Variants in PLCH1 observed in about 807,000 individuals in gnomAD.
The protein encoded by PLCH1 is 1-phosphatidylinositol 4,5-bisphosphate phosphodiesterase eta-1.
PLCH1 carries 60 observed loss-of-function variants against 126.7 expected under a neutral mutation model. The ratio of observed to expected loss-of-function variants is 0.47; its 90% CI spans 0.38 to 0.59. The LOEUF (loss-of-function observed/expected upper bound fraction) is 0.59, where lower values mean the gene tolerates loss of function less well. Ranked by LOEUF, PLCH1 falls within the 20% of genes least tolerant of loss-of-function variation. The pLI, the probability that PLCH1 is intolerant of heterozygous loss-of-function variation, is 0.00. For synonymous variants in PLCH1, 719 were observed against 734.9 expected, an observed-to-expected ratio of 0.98 and a Z score of 0.35; for missense variants, 1,723 against 2,040.0, an observed-to-expected ratio of 0.84 and a Z score of 2.99.
intron 21 of PLCH1, among the ~76,000 whole-genome samples, chr3:155,473,184 T>C (rs1459398108): frequency 2.7e-5 from 4 of 150,710 alleles, no homozygotes; most frequent in African/African-American, 4.9e-5. Context: ...AAAACCCCAT[T>C]GTCTCAGCCC....
intron 10 of PLCH1, among the ~76,000 whole-genome samples, chr3:155,529,499 C>A (rs1011105229): frequency 2.0e-5 from 3 of 151,862 alleles, no homozygotes; most frequent in Non-Finnish European, 4.4e-5. Context: ...GAGAGGCACA[C>A]GGATTTTTTG....
At chr3:155,570,602 C>T (rs1306538115) in intron 6 of PLCH1, among the ~76,000 whole-genome samples, 2 of 152,110 alleles carry the variant, frequency 1.3e-5, no homozygotes, top group African/African-American at 2.4e-5. Context: ...ATAATTCTTA[C>T]AATAGTCTTG....
Position 155,485,679 on chromosome 3 carries a change from A to C in PLCH1, c.2651T>G (p.Phe884Cys). 1 of 1,603,806 alleles carries C rather than the reference A, an allele frequency of 6.2e-7. No individual in the cohort carries two copies. Among genetic ancestry groups the C allele is most frequent in the Non-Finnish European group, 8.5e-7 (1 of 1,179,696 alleles). ...AGAACTGTGCCTAGGATTCTTATTGAACAGTCCCTTCAGACCCTGGAGTTG... is the reference window on the plus strand; with the variant it reads ...AGAACTGTGCCTAGGATTCTTATTGCACAGTCCCTTCAGACCCTGGAGTTG... ...NRQLQGLKGL[F>C]NKNPRHSSSE... Residue 884 changes from phenylalanine to cysteine, a missense_variant, in exon 22 of 23, where the codon TTC (phenylalanine) becomes TGC (cysteine). This residue lies in a region of PLCH1 where 947 missense variants were observed against 977.1 expected (regional missense o/e 0.97). Coordinates refer to ENST00000460012, the MANE Select transcript of PLCH1 (RefSeq NM_014996.4).
chr3:155,538,209 G>C (rs1452939449), intron 10 of PLCH1, among the ~76,000 whole-genome samples: 3 of 152,070 alleles, frequency 2.0e-5, no homozygotes, highest in African/African-American at 4.8e-5. Flanking sequence ...AACGATAATA[G>C]TGACACAACC....
intron 1 of PLCH1, among the ~76,000 whole-genome samples, chr3:155,733,159 T>C (rs531619392): frequency 6.6e-6 from 1 of 152,286 alleles, no homozygotes; most frequent in African/African-American, 2.4e-5. Context: ...ACATATTCAA[T>C]GTAATTCCTA....
intron 2 of PLCH1, among the ~76,000 whole-genome samples, chr3:155,610,390 C>CAAAAAAAA (rs1491267517): frequency 1.2e-5 from 1 of 81,720 alleles, no homozygotes; most frequent in African/African-American, 5.4e-5. Flanking sequence ...AAAAAAAAAA[C>CAAAAAAAA]CATCACCTAG....
At chr3:155,693,988 T>G (rs1190176009) in intron 2 of PLCH1, among the ~76,000 whole-genome samples, 1 of 152,146 alleles carries the variant, frequency 6.6e-6, no homozygotes, top group Non-Finnish European at 1.5e-5. Context: ...TTCCCAAGCA[T>G]AGATGATTCT....
At chr3:155,718,689 C>T (rs73005129) in intron 1 of PLCH1, among the ~76,000 whole-genome samples, 2,769 of 152,170 alleles carry the variant, frequency 0.018, 79 homozygotes, top group African/African-American at 0.06. Context: ...CCAGATCTTT[C>T]GAGATGTCAC....
At chr3:155,705,644 G>T (rs1746604324) in intron 1 of PLCH1, among the ~76,000 whole-genome samples, 1 of 152,082 alleles carries the variant, frequency 6.6e-6, no homozygotes, top group Non-Finnish European at 1.5e-5. Flanking sequence ...ATGTGCATTT[G>T]TTTATAGTTA....
intron 10 of PLCH1, among the ~76,000 whole-genome samples, chr3:155,524,335 G>T (rs1721620243): frequency 6.6e-6 from 1 of 152,186 alleles, no homozygotes; most frequent in Non-Finnish European, 1.5e-5. Flanking sequence ...TGCTGAATGG[G>T]TATAGAGTTT....
intron 2 of PLCH1, among the ~76,000 whole-genome samples, chr3:155,684,741 A>C: frequency 6.6e-6 from 1 of 152,182 alleles, no homozygotes. Flanking sequence ...CTATCACAAC[A>C]GTCTAAATTC....
At chr3:155,615,264 A>C (rs904134426) in intron 2 of PLCH1, among the ~76,000 whole-genome samples, 7 of 152,084 alleles carry the variant, frequency 4.6e-5, no homozygotes, top group African/African-American at 1.7e-4. Flanking sequence ...GAATTGCCAT[A>C]ATCAAAAAAT....
chr3:155,486,714 CG>C, intron 21 of PLCH1, among the ~76,000 whole-genome samples: 1 of 151,494 alleles, frequency 6.6e-6, no homozygotes, highest in East Asian at 1.9e-4. Flanking sequence ...TTAGTAGAGA[CG>C]GGGTTTCACC....
chr3:155,718,291 C>T (rs996464327), intron 1 of PLCH1, among the ~76,000 whole-genome samples: 3 of 152,160 alleles, frequency 2.0e-5, no homozygotes, highest in African/African-American at 7.2e-5. Flanking sequence ...TTAAGAAGTT[C>T]CAAATTTTCC....
chr3:155,690,270 G>T (rs1196002351), intron 2 of PLCH1, among the ~76,000 whole-genome samples: 3 of 152,134 alleles, frequency 2.0e-5, no homozygotes, highest in Non-Finnish European at 2.9e-5. Context: ...TTACTCAGAG[G>T]TTTATAATTC....
chr3:155,585,758 C>A (rs1731277136), intron 5 of PLCH1, among the ~76,000 whole-genome samples: 1 of 152,146 alleles, frequency 6.6e-6, no homozygotes, highest in African/African-American at 2.4e-5. Flanking sequence ...CTCACAAGAG[C>A]CCTGCGAAGT....
chr3:155,478,891 G>T (rs1006294593), downstream of PLCH1, among the ~76,000 whole-genome samples: 1 of 151,826 alleles, frequency 6.6e-6, no homozygotes, highest in African/African-American at 2.4e-5. Flanking sequence ...TTGGGAGGGG[G>T]GTACATATGA....
chr3:155,628,718 C>T (rs1488466128), intron 2 of PLCH1, among the ~76,000 whole-genome samples: 1 of 152,068 alleles, frequency 6.6e-6, no homozygotes, highest in Non-Finnish European at 1.5e-5. Flanking sequence ...GATATCTTTT[C>T]TCTTCTACAA....
At chr3:155,713,051 A>T (rs940382656) in intron 1 of PLCH1, among the ~76,000 whole-genome samples, 1 of 151,512 alleles carries the variant, frequency 6.6e-6, no homozygotes, top group Non-Finnish European at 1.5e-5. Context: ...AACAAATAAG[A>T]CTAAATGGAA....
Sources: allele counts gnomAD v4.1 joint callset (sites outside exome capture counted in the v4.1 genomes callset), GRCh38; gene constraint gnomAD v4.1.1; regional missense constraint gnomAD v4.1.1; transcripts MANE v1.5; gene names NCBI Gene and HGNC (gene_info 2026-07-23, HGNC 2026-07-21).